The following NT5C2 variants were observed in gnomAD, a reference collection of about 807,000 sequenced individuals.
NT5C2 encodes the protein cytosolic purine 5'-nucleotidase.
NT5C2 carries 58 observed loss-of-function variants against 76.1 expected under a neutral mutation model. The ratio of observed to expected loss-of-function variants is 0.76; its 90% CI spans 0.62 to 0.95. The LOEUF is 0.95. Among genes scored for constraint, NT5C2 ranks in the 40% least tolerant of loss-of-function variants. NT5C2 has a pLI of 0.00. For synonymous variants in NT5C2, 229 were observed against 237.4 expected, an observed-to-expected ratio of 0.96 and a Z score of 0.32; for missense variants, 478 against 690.3, an observed-to-expected ratio of 0.69 and a Z score of 3.45.
Position 103,106,325 on chromosome 10 carries a change from GTTTTAGTAATCTCCTT to G in NT5C2, c.293+248_293+263del, listed in dbSNP as rs1462715857. ...CACCACCTGTGATTACTGCCCATCA[GTTTTAGTAATCTCCTT>G]TTTTACCTGTAAGTGGGTCTTCCTC... On this transcript the variant is annotated intron_variant, in intron 5 of 18. Transcript: ENST00000404739. 8.3e-4 allele frequency among the ~76,000 whole-genome samples: 126 copies of G among 152,300 alleles called. 2 individuals carry two copies. Among genetic ancestry groups the G allele is most frequent in the Admixed American group, 7.4e-3 (113 of 15,298 alleles).
intron 4 of NT5C2, among the ~76,000 whole-genome samples, chr10:103,131,136 A>G (rs1348565866): frequency 6.6e-6 from 1 of 152,220 alleles, no homozygotes. Flanking sequence ...CGACTTTGAG[A>G]TGTTATGTTT....
At chr10:103,146,138 GT>G in intron 3 of NT5C2, 1 of 985,254 alleles carries the variant, frequency 1.0e-6, no homozygotes, top group Non-Finnish European at 1.2e-6. Flanking sequence ...TAGTTTTTTT[GT>G]GACTTAACTT....
chr10:103,110,532 T>A (rs965853563), intron 4 of NT5C2, among the ~76,000 whole-genome samples: 1 of 152,200 alleles, frequency 6.6e-6, no homozygotes, highest in African/African-American at 2.4e-5. Flanking sequence ...CTAGATTACA[T>A]AAGCCATCAA....
At chr10:103,100,111 T>G (rs2069193146) in intron 8 of NT5C2, 92 bp from the exon 9 acceptor site, 1 of 768,392 alleles carries the variant, frequency 1.3e-6, no homozygotes, top group East Asian at 2.6e-5. Flanking sequence ...AAAGGTTCCA[T>G]ATCACATGGG....
chr10:103,151,622 T>C (rs1036905657), intron 3 of NT5C2, among the ~76,000 whole-genome samples: 6 of 152,322 alleles, frequency 3.9e-5, no homozygotes, highest in Non-Finnish European at 7.4e-5. Flanking sequence ...TTAATTACCA[T>C]AGACTTACAT....
chr10:103,148,262 C>T (rs533508190), intron 3 of NT5C2, among the ~76,000 whole-genome samples: 60 of 152,242 alleles, frequency 3.9e-4, no homozygotes, highest in Non-Finnish European at 7.2e-4. Flanking sequence ...AACATTTTCT[C>T]TGAGGAACAT....
In NT5C2 at chr10:103,093,366, A is replaced by G. The variant is rs1590660575; in HGVS notation, c.989-57T>C. On this transcript the variant is annotated intron_variant, in intron 14 of 18. Coordinates refer to ENST00000404739, the MANE Select transcript of NT5C2 (RefSeq NM_001351169.2). Reference sequence around the variant, plus strand: ...GTCCCTATATTAAAATCAGCATTCCAATAGTATTTAACCATTAAATACTAT... The same window carrying G: ...GTCCCTATATTAAAATCAGCATTCCGATAGTATTTAACCATTAAATACTAT... 5.7e-6 allele frequency: 8 copies of G among 1,398,586 alleles called. No homozygotes were observed. In the East Asian group the frequency reaches 1.9e-4, roughly 34 times the overall value. The allele number at this position is 1,398,586 out of a possible 1,614,324, so 86.6% of individuals were successfully genotyped here.
chr10:103,095,886 T>G, intron 12 of NT5C2, 53 bp downstream of exon 12: 5 of 1,468,810 alleles, frequency 3.4e-6, no homozygotes, highest in Non-Finnish European at 4.8e-6. Context: ...TCCAGAATGA[T>G]TAAATGCATT....
intron 8 of NT5C2, 46 bp downstream of exon 8, chr10:103,100,999 A>G: frequency 9.4e-7 from 1 of 1,063,990 alleles, no homozygotes. Context: ...CCTGTGCATT[A>G]ATTTTAAAAA....
chr10:103,134,759 C>T (rs1254571191), intron 4 of NT5C2, among the ~76,000 whole-genome samples: 3 of 152,222 alleles, frequency 2.0e-5, no homozygotes, highest in Admixed American at 6.5e-5. Flanking sequence ...CAACACCAGC[C>T]TGTGAAAGCA....
intron 3 of NT5C2, among the ~76,000 whole-genome samples, chr10:103,142,631 G>GTAC (rs1478489139): frequency 6.6e-6 from 1 of 152,008 alleles, no homozygotes; most frequent in Non-Finnish European, 1.5e-5. Flanking sequence ...TTGTACCACT[G>GTAC]CATTCCAGCA....
intron 4 of NT5C2, among the ~76,000 whole-genome samples, chr10:103,119,349 A>G (rs1591040153): frequency 6.6e-6 from 1 of 152,192 alleles, no homozygotes. Context: ...AGCCTGGGCA[A>G]CAAGAGCAAA....
chr10:103,153,358 A>G, intron 3 of NT5C2: 1 of 1,267,498 alleles, frequency 7.9e-7, no homozygotes, highest in South Asian at 1.3e-5. Flanking sequence ...AACAAGCTTC[A>G]CTGATCTCTT....
At position 103,127,852 on chromosome 10, in the gene NT5C2, G is replaced by A. The variant is rs539564269; in HGVS notation, c.175+11554C>T. On this transcript the variant is annotated intron_variant, in intron 4 of 18. Transcript: ENST00000404739. ...ATTACAGGCGTGAGCCACCGCGCCC[G>A]GCCTACACCTGGCTAATTTTTATAT... 1.8e-4 allele frequency among the ~76,000 whole-genome samples: 28 copies of A among 151,556 alleles called. No homozygotes were observed. The East Asian group carries it at 2.9e-3, about 16-fold the overall frequency.
In NT5C2 at chr10:103,089,825, T is replaced by C; in HGVS notation, c.1533A>G (p.Ser511=). 1.2e-6 allele frequency: 2 copies of C among 1,614,130 alleles called. No individual in the cohort carries two copies. The highest frequency in any genetic ancestry group is 1.7e-6 in the Non-Finnish European group (2 of 1,180,020). ...TGTAGTCAGTGTCTTTGAAATCCAC[T>C]GATGTGCGGTTCCGGGTGGCAAGAG... ...ESPLATRNRT[S]VDFKDTDYKR... Residue 511 remains serine (S), a synonymous_variant, in exon 19 of 19, where the codon TCA becomes TCG. Transcript: ENST00000404739.
At chr10:103,192,655 C>G (rs2092722114) in intron 1 of NT5C2, among the ~76,000 whole-genome samples, 1 of 152,204 alleles carries the variant, frequency 6.6e-6, no homozygotes, top group Admixed American at 6.5e-5. Flanking sequence ...GGCAAACGAG[C>G]TGGCCGTTTC....
intron 3 of NT5C2, among the ~76,000 whole-genome samples, chr10:103,150,057 C>T (rs572901291): frequency 6.6e-6 from 1 of 152,248 alleles, no homozygotes; most frequent in South Asian, 2.1e-4. Context: ...CATTCCTCCA[C>T]CAACTTTACT....
intron 15 of NT5C2, among the ~76,000 whole-genome samples, chr10:103,091,883 C>G (rs1590631548): frequency 6.6e-6 from 1 of 152,350 alleles, no homozygotes; most frequent in Non-Finnish European, 1.5e-5. Flanking sequence ...CTTCCAGCTG[C>G]ACGCTCATTC....
intron 4 of NT5C2, among the ~76,000 whole-genome samples, chr10:103,121,893 G>T (rs1489005822): frequency 4.6e-5 from 7 of 152,120 alleles, no homozygotes; most frequent in Admixed American, 3.9e-4. Flanking sequence ...AGAATTCTCG[G>T]CCAGGCACGA....
Sources: allele counts gnomAD v4.1 joint callset (sites outside exome capture counted in the v4.1 genomes callset), GRCh38; gene constraint gnomAD v4.1.1; transcripts MANE v1.5; gene names NCBI Gene and HGNC (gene_info 2026-07-23, HGNC 2026-07-21).